Variants in ARFGEF1 observed in about 807,000 individuals in gnomAD.
ARFGEF1 encodes the protein brefeldin A-inhibited guanine nucleotide-exchange protein 1.
In ARFGEF1, 42 loss-of-function variants were observed where a neutral mutation model predicts 231.0. That is an observed-to-expected ratio of 0.18 (90% CI 0.14 to 0.24). The LOEUF (loss-of-function observed/expected upper bound fraction) is 0.24, where lower values mean the gene tolerates loss of function less well. Among genes scored for constraint, ARFGEF1 ranks in the 10% least tolerant of loss-of-function variants. The pLI, the probability that ARFGEF1 is intolerant of heterozygous loss-of-function variation, is 1.00. For missense variants in ARFGEF1, 1,345 were observed against 2,192.0 expected (o/e 0.61, Z 7.72); for synonymous variants, 710 against 732.3 (o/e 0.97, Z 0.49).
chr8:67,272,663 T>C (rs998495202), intron 9 of ARFGEF1, among the ~76,000 whole-genome samples: 1 of 152,188 alleles, frequency 6.6e-6, no homozygotes, highest in African/African-American at 2.4e-5. Context: ...AATGGACTTT[T>C]TTCTGGTTAT....
chr8:67,236,366 ATATATATAT>A (rs1341932813), intron 22 of ARFGEF1, among the ~76,000 whole-genome samples: 235 of 17,624 alleles, frequency 0.013, 7 homozygotes, highest in East Asian at 0.037. Context: ...AAAAAAAAAA[ATATATATAT>A]ATATATATAT....
intron 5 of ARFGEF1, among the ~76,000 whole-genome samples, chr8:67,187,004 T>C (rs1388455596): frequency 1.3e-5 from 2 of 151,680 alleles, no homozygotes; most frequent in African/African-American, 4.9e-5. Flanking sequence ...TATCTATCTA[T>C]CTATCTATCT....
intron 36 of ARFGEF1, among the ~76,000 whole-genome samples, chr8:67,202,783 G>T (rs1302927983): frequency 1.3e-5 from 2 of 152,100 alleles, no homozygotes; most frequent in Non-Finnish European, 2.9e-5. Flanking sequence ...CTAATGAAAA[G>T]ACAGCTTTTG....
At chr8:67,270,245 A>G (rs536756947) in intron 10 of ARFGEF1, among the ~76,000 whole-genome samples, 1 of 152,346 alleles carries the variant, frequency 6.6e-6, no homozygotes, top group Admixed American at 6.5e-5. Context: ...CATACATCAT[A>G]TAGGCACCAA....
At chr8:67,268,437 T>A (rs531989533) in intron 10 of ARFGEF1, among the ~76,000 whole-genome samples, 1 of 152,278 alleles carries the variant, frequency 6.6e-6, no homozygotes, top group Non-Finnish European at 1.5e-5. Context: ...AGCAAACTCA[T>A]GAGGGTGCCC....
chr8:67,195,710 G>T, downstream of ARFGEF1: 1 of 723,412 alleles, frequency 1.4e-6, no homozygotes, highest in Non-Finnish European at 2.3e-6. Context: ...TCCATCATCT[G>T]TATATAAAAT....
chr8:67,247,323 T>C (rs1840137099), intron 19 of ARFGEF1, among the ~76,000 whole-genome samples: 2 of 150,192 alleles, frequency 1.3e-5, no homozygotes, highest in Non-Finnish European at 3.0e-5. Flanking sequence ...CTGATGAATA[T>C]TGATGCAAAA....
downstream of ARFGEF1, among the ~76,000 whole-genome samples, chr8:67,196,919 CTG>C (rs1838027634): frequency 6.6e-6 from 1 of 152,158 alleles, no homozygotes; most frequent in African/African-American, 2.4e-5. Flanking sequence ...TGTTCAGTAA[CTG>C]TTCATTATCT....
intron 1 of ARFGEF1, among the ~76,000 whole-genome samples, chr8:67,304,969 GA>G (rs1431674266): frequency 2.0e-5 from 3 of 152,112 alleles, no homozygotes; most frequent in Non-Finnish European, 4.4e-5. Flanking sequence ...AGTAAGGCAG[GA>G]AAAAAGGCAA....
At chr8:67,250,472 C>T (rs141972573) in intron 19 of ARFGEF1, among the ~76,000 whole-genome samples, 100 of 152,220 alleles carry the variant, frequency 6.6e-4, no homozygotes, top group African/African-American at 2.0e-3. Flanking sequence ...TCTTCATCAA[C>T]GTTTAGAAAT....
At chr8:67,227,063 G>C in intron 27 of ARFGEF1, 74 bp downstream of exon 27, 4 of 1,354,288 alleles carry the variant, frequency 3.0e-6, no homozygotes, top group Non-Finnish European at 4.0e-6. Context: ...ATTGTTACTT[G>C]AATCATCTTC....
At chr8:67,247,242 C>T (rs1478229442) in intron 19 of ARFGEF1, among the ~76,000 whole-genome samples, 1 of 149,890 alleles carries the variant, frequency 6.7e-6, no homozygotes, top group Non-Finnish European at 1.5e-5. Flanking sequence ...ATTCATTCTA[C>T]AAGGCCAGTA....
intron 19 of ARFGEF1, among the ~76,000 whole-genome samples, chr8:67,245,758 A>G (rs1840086300): frequency 6.6e-6 from 1 of 150,416 alleles, no homozygotes; most frequent in Non-Finnish European, 1.5e-5. Flanking sequence ...CAATAGTCAC[A>G]CTGAATATAC....
At chr8:67,339,817 T>G in intron 1 of ARFGEF1, among the ~76,000 whole-genome samples, 1 of 108,262 alleles carries the variant, frequency 9.2e-6, no homozygotes. Context: ...TTCTTTCTTT[T>G]TTAACCATTC....
At chr8:67,195,531 C>A, downstream of ARFGEF1, 1 of 1,614,202 alleles carries the variant, frequency 6.2e-7, no homozygotes, top group South Asian at 1.1e-5. Context: ...CCAGGAGCAG[C>A]AGCAGATTCC....
intron 14 of ARFGEF1, among the ~76,000 whole-genome samples, chr8:67,262,116 T>C (rs183082947): frequency 1.1e-4 from 17 of 152,272 alleles, no homozygotes; most frequent in African/African-American, 3.4e-4. Context: ...GCAAAGTAAG[T>C]TGAAAACCTT....
Position 67,219,512 on chromosome 8 carries a change from A to G in ARFGEF1, c.4257T>C (p.Tyr1419=), listed in dbSNP as rs771760657. 52 of 1,611,776 alleles carry G rather than the reference A, an allele frequency of 3.2e-5. No individual in the cohort carries two copies. The highest frequency in any genetic ancestry group is 2.4e-4 in the South Asian group (22 of 90,416). Residue 1419 remains tyrosine, a synonymous_variant, in exon 30 of 39, where the codon TAT becomes TAC. Transcript: ENST00000262215. ...ATAAATCCTGCCACCAGTGTTTCTC[A>G]TAAGTGTGGCCATATGTTTTCATTA... is the stretch of plus-strand genomic sequence containing the variant. ...FEIMKTYGHT[Y]EKHWWQDLFR...
At chr8:67,343,087 GACCC>G in intron 1 of ARFGEF1, 73 bp downstream of exon 1, 2 of 971,350 alleles carry the variant, frequency 2.1e-6, no homozygotes, top group Non-Finnish European at 3.0e-6. Flanking sequence ...AGCCCCGGGC[GACCC>G]CACCCCCCCA....
At position 67,224,968 on chromosome 8, in the gene ARFGEF1, T is replaced by C. The variant is rs887477224; in HGVS notation, c.4143A>G (p.Gly1381=). 1 of 1,607,248 alleles carries C rather than the reference T, an allele frequency of 6.2e-7. No individual in the cohort carries two copies. Among genetic ancestry groups the C allele is most frequent in the Admixed American group, 1.7e-5 (1 of 58,904 alleles). ...ATAACTCAAAGAGAATTGGGAACCA[T>C]CCTCTCACCCACACCCTGTCTTCAG... ...VAPEDRVWVR[G]WFPILFELSC... is the part of the protein sequence containing the mutation. The change falls in exon 29 of 39, where the codon GGA becomes GGG. Residue 1381 remains glycine (G), a synonymous_variant. Coordinates refer to ENST00000262215, the MANE Select transcript of ARFGEF1 (RefSeq NM_006421.5).
Sources: allele counts gnomAD v4.1 joint callset (sites outside exome capture counted in the v4.1 genomes callset), GRCh38; gene constraint gnomAD v4.1.1; transcripts MANE v1.5; gene names NCBI Gene and HGNC (gene_info 2026-07-23, HGNC 2026-07-21).